Variants in CAMK1D observed in about 807,000 individuals in gnomAD.
CAMK1D encodes calcium/calmodulin-dependent protein kinase type 1D.
CAMK1D carries 9 observed loss-of-function variants against 47.7 expected under a neutral mutation model. The observed-to-expected ratio is 0.19, with a 90% CI of 0.11 to 0.33. The LOEUF (loss-of-function observed/expected upper bound fraction) is 0.33, where lower values mean the gene tolerates loss of function less well. Ranked by LOEUF, CAMK1D falls within the 10% of genes least tolerant of loss-of-function variation. CAMK1D has a pLI of 1.00. For synonymous variants in CAMK1D, 184 were observed against 184.9 expected (o/e 0.99, Z 0.04); for missense variants, 291 against 488.7 (o/e 0.60, Z 3.81).
At chr10:12,574,222 C>T (rs1405795458) in intron 2 of CAMK1D, among the ~76,000 whole-genome samples, 1 of 152,120 alleles carries the variant, frequency 6.6e-6, no homozygotes, top group Non-Finnish European at 1.5e-5. Flanking sequence ...CCAACCCCTT[C>T]TTAAAACTCA....
intron 1 of CAMK1D, among the ~76,000 whole-genome samples, chr10:12,487,133 A>C (rs185658160): frequency 2.6e-4 from 39 of 152,236 alleles, no homozygotes; most frequent in Admixed American, 7.8e-4. Context: ...TAAGCCTAGT[A>C]ACCAATAGTG....
At chr10:12,777,386 T>TG (rs1837303556) in intron 5 of CAMK1D, among the ~76,000 whole-genome samples, 1 of 148,644 alleles carries the variant, frequency 6.7e-6, no homozygotes, top group Non-Finnish European at 1.5e-5. Context: ...TTTTTTTTTT[T>TG]TTTGAGACGG....
chr10:12,734,349 T>A (rs1042712826), intron 3 of CAMK1D, among the ~76,000 whole-genome samples: 483 of 5,864 alleles, frequency 0.082, 55 homozygotes, highest in African/African-American at 0.17. Flanking sequence ...AAAAAAAATA[T>A]ATATATATAT....
At chr10:12,824,324 A>C (rs1004921755) in intron 8 of CAMK1D, 141 bp from the exon 9 acceptor site, 1 of 665,910 alleles carries the variant, frequency 1.5e-6, no homozygotes, top group African/African-American at 1.8e-5. Context: ...TGACATCAGC[A>C]GCCTGGAAGG....
chr10:12,748,823 T>C (rs1285528422), intron 3 of CAMK1D, among the ~76,000 whole-genome samples: 2 of 152,178 alleles, frequency 1.3e-5, no homozygotes, highest in Non-Finnish European at 2.9e-5. Context: ...GAGGATTGCT[T>C]GAGCCTAGGA....
At chr10:12,444,965 A>C (rs569197977) in intron 1 of CAMK1D, among the ~76,000 whole-genome samples, 19 of 152,360 alleles carry the variant, frequency 1.2e-4, no homozygotes, top group Middle Eastern at 3.4e-3. Context: ...GATTTTCCCC[A>C]CAAGAGACAG....
At position 12,828,892 on chromosome 10, in the gene CAMK1D, C is replaced by T; in HGVS notation, c.*5C>T. On this transcript the variant is annotated 3_prime_UTR_variant, in exon 11 of 11. Coordinates refer to ENST00000619168, the MANE Select transcript of CAMK1D (RefSeq NM_153498.4). ...GTGCACTCTGGAAGCAAGTGACTGG[C>T]CCTGGAGGTGGGGCCCGGGGTCGGG... 6.2e-7 allele frequency: 1 copy of T among 1,603,794 alleles called. No individual in the cohort carries two copies. The highest frequency in any genetic ancestry group is 8.5e-7 in the Non-Finnish European group (1 of 1,175,398).
At chr10:12,515,418 C>CTTTTTTTTTTTTT (rs55732103) in intron 1 of CAMK1D, among the ~76,000 whole-genome samples, 5 of 98,994 alleles carry the variant, frequency 5.1e-5, no homozygotes, top group African/African-American at 8.1e-5. Context: ...TTTTTTTTTT[C>CTTTTTTTTTTTTT]TTTTTTTTTT....
intron 1 of CAMK1D, among the ~76,000 whole-genome samples, chr10:12,406,416 T>A (rs562094909): frequency 2.2e-4 from 34 of 152,196 alleles, no homozygotes; most frequent in South Asian, 1.2e-3. Context: ...ATTGTTTTTT[T>A]AATTAAGCTG....
intron 2 of CAMK1D, among the ~76,000 whole-genome samples, chr10:12,567,536 G>A (rs1321677949): frequency 6.6e-6 from 1 of 152,132 alleles, no homozygotes; most frequent in Non-Finnish European, 1.5e-5. Flanking sequence ...TTCTCTACAG[G>A]TGTACGCACA....
intron 1 of CAMK1D, among the ~76,000 whole-genome samples, chr10:12,550,117 G>C (rs1233592079): frequency 6.6e-6 from 1 of 152,148 alleles, no homozygotes; most frequent in Non-Finnish European, 1.5e-5. Context: ...TTCCCAGCCC[G>C]AGCCCTTGGC....
At chr10:12,450,956 C>T in intron 1 of CAMK1D, among the ~76,000 whole-genome samples, 1 of 152,140 alleles carries the variant, frequency 6.6e-6, no homozygotes, top group East Asian at 1.9e-4. Context: ...CATGCAGGCT[C>T]CCACTGTGAG....
intron 3 of CAMK1D, among the ~76,000 whole-genome samples, chr10:12,689,775 C>CA (rs59376242): frequency 0.045 from 6,113 of 136,300 alleles, 139 homozygotes; most frequent in Non-Finnish European, 0.055. Context: ...GACTCCACCT[C>CA]AAAAAAAAAA....
At chr10:12,429,110 C>T (rs192858229) in intron 1 of CAMK1D, among the ~76,000 whole-genome samples, 30 of 152,322 alleles carry the variant, frequency 2.0e-4, no homozygotes, top group African/African-American at 7.2e-4. Flanking sequence ...CCATCTCCCA[C>T]ATTGTGCCTC....
chr10:12,358,111 G>A (rs1465658114), intron 1 of CAMK1D, among the ~76,000 whole-genome samples: 1 of 152,138 alleles, frequency 6.6e-6, no homozygotes, highest in African/African-American at 2.4e-5. Context: ...TGTAATCCCA[G>A]CACTTTGGGA....
chr10:12,679,153 C>G (rs2132600794), intron 3 of CAMK1D, among the ~76,000 whole-genome samples: 1 of 152,288 alleles, frequency 6.6e-6, no homozygotes, highest in African/African-American at 2.4e-5. Flanking sequence ...CATCTTTCAT[C>G]AAATATCTAA....
chr10:12,691,258 C>T (rs1206620523), intron 3 of CAMK1D, among the ~76,000 whole-genome samples: 1 of 151,168 alleles, frequency 6.6e-6, no homozygotes, highest in Non-Finnish European at 1.5e-5. Context: ...GGAAGGCAGC[C>T]TCCAGTGTCG....
At chr10:12,349,972 C>A in intron 1 of CAMK1D, 62 bp downstream of exon 1, 1 of 860,518 alleles carries the variant, frequency 1.2e-6, no homozygotes, top group Non-Finnish European at 1.7e-6. Context: ...ACGGGCAGCT[C>A]CAGCTGCCGC....
At chr10:12,627,290 T>G (rs1839248423) in intron 2 of CAMK1D, among the ~76,000 whole-genome samples, 1 of 152,038 alleles carries the variant, frequency 6.6e-6, no homozygotes, top group Non-Finnish European at 1.5e-5. Context: ...TTCACCATGT[T>G]AGCCAGGATG....
Sources: gnomAD v4.1 joint callset for allele counts (sites outside exome capture counted in the v4.1 genomes callset) on GRCh38, gnomAD v4.1.1 for gene constraint, MANE v1.5 for transcripts, NCBI Gene and HGNC (gene_info 2026-07-23, HGNC 2026-07-21) for gene names.